IMMP2L: variants seen among roughly 807,000 people sequenced by gnomAD.
The protein encoded by IMMP2L is mitochondrial inner membrane protease subunit 2.
Under a neutral mutation model 19.3 loss-of-function variants are expected in IMMP2L, and 18 were observed. The observed-to-expected ratio is 0.93, with a 90% confidence interval of 0.64 to 1.38. The LOEUF is 1.38. IMMP2L is among the 40% of genes most tolerant of loss of function. The pLI is 0.00. For synonymous variants in IMMP2L, 76 were observed against 73.0 expected (o/e 1.04, Z -0.21); for missense variants, 233 against 218.2 (o/e 1.07, Z -0.43).
At chr7:111,439,740 T>A (rs1182292992) in intron 3 of IMMP2L, among the ~76,000 whole-genome samples, 2 of 151,870 alleles carry the variant, frequency 1.3e-5, no homozygotes. Flanking sequence ...ACAATGAAGC[T>A]TGCTGCATCA....
Position 111,103,904 on chromosome 7 carries a change from G to A in IMMP2L, c.240-140339C>T, listed in dbSNP as rs540341758. On this transcript the variant is annotated intron_variant, in intron 3 of 5. Transcript: ENST00000405709. The stretch of plus-strand genomic sequence containing the variant: ...TGCCTGATCCCTTAATGACTAGGCT[G>A]CTTCTATTGAACACCATTTTGAGAG... 8.4e-4 allele frequency among the ~76,000 whole-genome samples: 128 copies of A among 151,694 alleles called. 1 individual carries two copies. The highest frequency in any genetic ancestry group is 1.6e-3 in the Non-Finnish European group (107 of 67,666).
At chr7:110,937,451 A>G (rs1222283555) in intron 4 of IMMP2L, among the ~76,000 whole-genome samples, 1 of 152,160 alleles carries the variant, frequency 6.6e-6, no homozygotes, top group East Asian at 1.9e-4. Context: ...GAGCTTATGT[A>G]TCTGAAGGCA....
intron 3 of IMMP2L, among the ~76,000 whole-genome samples, chr7:111,240,809 C>A (rs1814923646): frequency 6.6e-6 from 1 of 151,838 alleles, no homozygotes; most frequent in South Asian, 2.1e-4. Context: ...AAAAATTAAA[C>A]ATTTTCATTT....
At chr7:111,167,456 T>G (rs940732597) in intron 3 of IMMP2L, among the ~76,000 whole-genome samples, 1 of 151,922 alleles carries the variant, frequency 6.6e-6, no homozygotes, top group African/African-American at 2.4e-5. Flanking sequence ...ACCTGATTTT[T>G]CAGCATACTT....
chr7:111,309,208 C>G (rs1288057109), intron 3 of IMMP2L, among the ~76,000 whole-genome samples: 1 of 152,052 alleles, frequency 6.6e-6, no homozygotes, highest in Non-Finnish European at 1.5e-5. Context: ...TCATTATTTG[C>G]AGTTTTATTT....
At chr7:111,414,058 A>C (rs1834723757) in intron 3 of IMMP2L, among the ~76,000 whole-genome samples, 1 of 151,722 alleles carries the variant, frequency 6.6e-6, no homozygotes, top group Admixed American at 6.6e-5. Context: ...TTTCCCGGAA[A>C]GTTTCAAAAA....
chr7:111,390,159 C>T (rs1008795084), intron 3 of IMMP2L, among the ~76,000 whole-genome samples: 2 of 152,214 alleles, frequency 1.3e-5, no homozygotes, highest in Middle Eastern at 3.4e-3. Flanking sequence ...ACTTCAACAT[C>T]GCCACAGCTG....
In IMMP2L at chr7:111,457,528, G is replaced by A. The variant is rs543851043; in HGVS notation, c.239+29710C>T. 1.8e-4 allele frequency among the ~76,000 whole-genome samples: 28 copies of A among 152,196 alleles called. 1 individual carries two copies. In the East Asian group the frequency reaches 5.0e-3, roughly 27 times the overall value. On this transcript the variant is annotated intron_variant, in intron 3 of 5. Coordinates refer to ENST00000405709, the MANE Select transcript of IMMP2L (RefSeq NM_032549.4). Reference sequence around the variant, plus strand: ...CACAATTGTCACAGCAGTCCTTCTAGGTATACAAGATACTGAAACATTTTA... The same window carrying A: ...CACAATTGTCACAGCAGTCCTTCTAAGTATACAAGATACTGAAACATTTTA...
chr7:111,346,465 C>T (rs185880836), intron 3 of IMMP2L, among the ~76,000 whole-genome samples: 1 of 152,240 alleles, frequency 6.6e-6, no homozygotes, highest in East Asian at 1.9e-4. Context: ...AATCAACATA[C>T]CAACTACATT....
chr7:111,120,019 A>C (rs1382450868), intron 3 of IMMP2L, among the ~76,000 whole-genome samples: 4 of 152,204 alleles, frequency 2.6e-5, no homozygotes, highest in Non-Finnish European at 5.9e-5. Flanking sequence ...TATTCCAGGC[A>C]GAGTGATGCA....
intron 3 of IMMP2L, among the ~76,000 whole-genome samples, chr7:111,018,488 C>T (rs566643111): frequency 2.0e-5 from 3 of 152,062 alleles, no homozygotes; most frequent in Non-Finnish European, 2.9e-5. Context: ...ATTTAACTCT[C>T]GGCTGTTCTG....
At chr7:111,310,427 T>C (rs1194558796) in intron 3 of IMMP2L, among the ~76,000 whole-genome samples, 1 of 152,086 alleles carries the variant, frequency 6.6e-6, no homozygotes, top group East Asian at 1.9e-4. Flanking sequence ...TAGCTTAAAA[T>C]TAACTTTTAT....
chr7:110,828,736 A>G (rs1405329705), intron 5 of IMMP2L, among the ~76,000 whole-genome samples: 1 of 152,192 alleles, frequency 6.6e-6, no homozygotes, highest in Admixed American at 6.6e-5. Context: ...CTCCACAGGA[A>G]AACAACCAGG....
intron 3 of IMMP2L, among the ~76,000 whole-genome samples, chr7:111,022,439 A>G (rs1479124096): frequency 6.6e-6 from 1 of 152,192 alleles, no homozygotes; most frequent in Non-Finnish European, 1.5e-5. Flanking sequence ...GTCAATCTTT[A>G]CAAGTGTTTT....
chr7:110,855,017 T>C (rs1806616071), intron 5 of IMMP2L, among the ~76,000 whole-genome samples: 1 of 152,018 alleles, frequency 6.6e-6, no homozygotes, highest in Admixed American at 6.6e-5. Context: ...AGGACAGTTA[T>C]AATACACATT....
chr7:111,177,482 TC>T (rs1807207667), intron 3 of IMMP2L, among the ~76,000 whole-genome samples: 1 of 152,016 alleles, frequency 6.6e-6, no homozygotes, highest in African/African-American at 2.4e-5. Context: ...TGCCCGGGCT[TC>T]CCCACTTTTG....
chr7:110,837,032 A>G (rs1804550848), intron 5 of IMMP2L, among the ~76,000 whole-genome samples: 1 of 152,168 alleles, frequency 6.6e-6, no homozygotes, highest in Admixed American at 6.6e-5. Flanking sequence ...TAAAAATTAA[A>G]GGCAGAATAC....
chr7:111,164,117 G>A (rs1360740468), intron 3 of IMMP2L, among the ~76,000 whole-genome samples: 1 of 150,066 alleles, frequency 6.7e-6, no homozygotes, highest in East Asian at 2.0e-4. Flanking sequence ...GAGAAGGGGA[G>A]GGAGGGGAGG....
At chr7:111,379,169 A>G (rs1830966009) in intron 3 of IMMP2L, among the ~76,000 whole-genome samples, 2 of 151,110 alleles carry the variant, frequency 1.3e-5, no homozygotes, top group African/African-American at 4.8e-5. Flanking sequence ...AGAATTGCCA[A>G]TAAAATATCA....
Sources: gnomAD v4.1 joint callset for allele counts (sites outside exome capture counted in the v4.1 genomes callset) on GRCh38, gnomAD v4.1.1 for gene constraint, MANE v1.5 for transcripts, NCBI Gene and HGNC (gene_info 2026-07-23, HGNC 2026-07-21) for gene names.